CREB5: variants seen among roughly 807,000 people sequenced by gnomAD.
The protein encoded by CREB5 is cyclic AMP-responsive element-binding protein 5.
In CREB5, 19 loss-of-function variants were observed where a neutral mutation model predicts 57.1. That is an observed-to-expected ratio of 0.33 (90% CI 0.23 to 0.49). The LOEUF is 0.49. CREB5 is among the 20% of genes least tolerant of loss of function. The probability of loss-of-function intolerance (pLI) is 0.99; values close to 1 mark genes in which losing one functional copy is unlikely to be tolerated. For missense variants in CREB5, 579 were observed against 671.6 expected, an observed-to-expected ratio of 0.86 and a Z score of 1.52; for synonymous variants, 238 against 238.3, an observed-to-expected ratio of 1.00 and a Z score of 0.01.
At chr7:28,766,048 T>C (rs1805958138) in intron 7 of CREB5, among the ~76,000 whole-genome samples, 1 of 151,592 alleles carries the variant, frequency 6.6e-6, no homozygotes, top group Admixed American at 6.6e-5. Context: ...AGCTACATTT[T>C]TTCAGAGTGT....
intron 5 of CREB5, among the ~76,000 whole-genome samples, chr7:28,608,111 TCTCACACACACTCACACACACA>T (rs1424395003): frequency 1.9e-4 from 21 of 109,450 alleles, no homozygotes; most frequent in African/African-American, 8.0e-4. Context: ...TCTCTCTCTC[TCTCACACACACTCACACACACA>T]CACACACACA....
intron 5 of CREB5, among the ~76,000 whole-genome samples, chr7:28,633,734 A>T (rs1235212370): frequency 6.6e-6 from 1 of 152,194 alleles, no homozygotes; most frequent in Non-Finnish European, 1.5e-5. Context: ...AAGGAGGATT[A>T]TAAATGTGTG....
chr7:28,344,350 T>A (rs1462024151), intron 1 of CREB5, among the ~76,000 whole-genome samples: 1 of 152,238 alleles, frequency 6.6e-6, no homozygotes, highest in Non-Finnish European at 1.5e-5. Context: ...CGGGTCTAGT[T>A]TAATGCTTCT....
At chr7:28,451,825 T>A (rs1789829699) in intron 1 of CREB5, among the ~76,000 whole-genome samples, 1 of 152,130 alleles carries the variant, frequency 6.6e-6, no homozygotes, top group African/African-American at 2.4e-5. Flanking sequence ...TATATGCAAT[T>A]CACTTGCCTT....
chr7:28,755,874 G>A (rs1431695178), intron 7 of CREB5, among the ~76,000 whole-genome samples: 1 of 151,866 alleles, frequency 6.6e-6, no homozygotes, highest in African/African-American at 2.4e-5. Flanking sequence ...TGTTTCTGAA[G>A]TGTTTCAGAG....
intron 7 of CREB5, among the ~76,000 whole-genome samples, chr7:28,784,626 T>G (rs1357288278): frequency 6.6e-6 from 1 of 152,076 alleles, no homozygotes; most frequent in Admixed American, 6.6e-5. Flanking sequence ...ATGCAGAAAT[T>G]TCGCGCCAGT....
At chr7:28,715,972 C>A (rs1010745926) in intron 5 of CREB5, among the ~76,000 whole-genome samples, 36 of 152,028 alleles carry the variant, frequency 2.4e-4, no homozygotes, top group African/African-American at 8.5e-4. Context: ...TAGAAATAAC[C>A]TACCTAATAA....
At chr7:28,714,883 T>A (rs1013386408) in intron 5 of CREB5, among the ~76,000 whole-genome samples, 1 of 152,208 alleles carries the variant, frequency 6.6e-6, no homozygotes, top group Non-Finnish European at 1.5e-5. Context: ...CCTAGAGGCA[T>A]ATGGTTATTA....
chr7:28,319,587 G>A (rs1251052367), intron 1 of CREB5, among the ~76,000 whole-genome samples: 1 of 152,104 alleles, frequency 6.6e-6, no homozygotes, highest in African/African-American at 2.4e-5. Flanking sequence ...TCATCTGGAG[G>A]TGATGAAGGT....
intron 1 of CREB5, among the ~76,000 whole-genome samples, chr7:28,382,872 G>C (rs571603641): frequency 6.6e-6 from 1 of 151,928 alleles, no homozygotes; most frequent in South Asian, 2.1e-4. Context: ...TTTCTCCCAA[G>C]TTATCATGAG....
At chr7:28,401,679 T>C (rs1787467259) in intron 1 of CREB5, among the ~76,000 whole-genome samples, 1 of 152,168 alleles carries the variant, frequency 6.6e-6, no homozygotes, top group African/African-American at 2.4e-5. Flanking sequence ...TTTCTGTCCT[T>C]GCGATAGTTT....
At chr7:28,410,086 G>T (rs1787710262), upstream of CREB5, 1 of 399,186 alleles carries the variant, frequency 2.5e-6, no homozygotes, top group Non-Finnish European at 5.0e-6. Flanking sequence ...GCGCGCAGGG[G>T]GCTCGCTCTC....
At chr7:28,815,766 C>A (rs1234157832) in intron 9 of CREB5, among the ~76,000 whole-genome samples, 1 of 152,170 alleles carries the variant, frequency 6.6e-6, no homozygotes, top group Non-Finnish European at 1.5e-5. Flanking sequence ...AATTCAACCT[C>A]TCCAAGATGG....
chr7:28,709,491 C>T (rs1802294131), intron 5 of CREB5, among the ~76,000 whole-genome samples: 1 of 152,076 alleles, frequency 6.6e-6, no homozygotes, highest in Non-Finnish European at 1.5e-5. Flanking sequence ...ACAGAATGAT[C>T]ATAAATTCGG....
intron 5 of CREB5, among the ~76,000 whole-genome samples, chr7:28,675,439 A>G (rs16874653): frequency 0.31 from 47,266 of 152,032 alleles, 7,496 homozygotes; most frequent in Middle Eastern, 0.34. Context: ...CTGCGTTATC[A>G]GTATATGAAA....
chr7:28,661,424 C>T (rs1799607001), intron 5 of CREB5, among the ~76,000 whole-genome samples: 1 of 149,616 alleles, frequency 6.7e-6, no homozygotes, highest in Non-Finnish European at 1.5e-5. Flanking sequence ...TCTCTACCCA[C>T]CCTCCCCACC....
At chr7:28,751,431 AGGTTAAATTCGCCATTTCAGACCCTAGT>A (rs1804968695) in intron 7 of CREB5, among the ~76,000 whole-genome samples, 1 of 152,230 alleles carries the variant, frequency 6.6e-6, no homozygotes, top group South Asian at 2.1e-4. Flanking sequence ...CAGCAAAGAC[AGGTTAAATTCGCCATTTCAGACCCTAGT>A]GGTTTTCCAC....
intron 5 of CREB5, among the ~76,000 whole-genome samples, chr7:28,642,973 C>CAT (rs144235192): frequency 0.24 from 28,930 of 122,312 alleles, 2,326 homozygotes; most frequent in South Asian, 0.3. Flanking sequence ...CACACACACA[C>CAT]ACACACACAC....
Position 28,327,379 on chromosome 7 carries a change from A to G in CREB5, c.-25+27938A>G, listed in dbSNP as rs532863302. ...CTTGATGACCTGCCTCATACATTGTAGTAAAACACCATGGGCTGCTCTAAA... is the reference window on the plus strand; with the variant it reads ...CTTGATGACCTGCCTCATACATTGTGGTAAAACACCATGGGCTGCTCTAAA... On this transcript the variant is annotated intron_variant, in intron 1 of 9. Coordinates refer to the CREB5 transcript ENST00000396299. Among the ~76,000 whole-genome samples the G allele has an allele frequency of 1.1e-4, 17 of 152,344 alleles. No homozygotes were observed. In the East Asian group the frequency reaches 3.3e-3, roughly 29 times the overall value.
Sources: allele counts gnomAD v4.1 joint callset (sites outside exome capture counted in the v4.1 genomes callset), GRCh38; gene constraint gnomAD v4.1.1; transcripts MANE v1.5; gene names NCBI Gene and HGNC (gene_info 2026-07-23, HGNC 2026-07-21).